BMP5: variants seen among roughly 807,000 people sequenced by gnomAD.
BMP5 encodes bone morphogenetic protein 5.
In BMP5, 23 loss-of-function variants were observed where a neutral mutation model predicts 46.6. The ratio of observed to expected loss-of-function variants is 0.49; its 90% confidence interval spans 0.35 to 0.70. BMP5 has a LOEUF of 0.70. Among genes scored for constraint, BMP5 ranks in the 30% least tolerant of loss-of-function variants. BMP5 has a pLI of 0.00. For missense variants in BMP5, 545 were observed against 565.6 expected, an observed-to-expected ratio of 0.96 and a Z score of 0.37; for synonymous variants, 204 against 191.9, an observed-to-expected ratio of 1.06 and a Z score of -0.52.
intron 1 of BMP5, among the ~76,000 whole-genome samples, chr6:55,858,080 G>T (rs1406158808): frequency 6.6e-6 from 1 of 152,110 alleles, no homozygotes; most frequent in Non-Finnish European, 1.5e-5. Flanking sequence ...TTACATCTCT[G>T]CCATCCAAAT....
chr6:55,850,349 A>AGTAG (rs71665347), intron 1 of BMP5, among the ~76,000 whole-genome samples: 7 of 147,342 alleles, frequency 4.8e-5, no homozygotes, highest in Non-Finnish European at 7.5e-5. Context: ...TAGTTAGGTA[A>AGTAG]GTAGGTAGAT....
At chr6:55,818,338 T>A (rs1488102454) in intron 2 of BMP5, among the ~76,000 whole-genome samples, 1 of 152,006 alleles carries the variant, frequency 6.6e-6, no homozygotes, top group Non-Finnish European at 1.5e-5. Flanking sequence ...CAGACGCATA[T>A]AAAAAGTTTC....
intron 1 of BMP5, among the ~76,000 whole-genome samples, chr6:55,823,829 C>A (rs751154734): frequency 6.6e-6 from 1 of 151,794 alleles, no homozygotes; most frequent in Non-Finnish European, 1.5e-5. Flanking sequence ...TTTATCTTAG[C>A]ACATGTGTTT....
chr6:55,772,852 T>C (rs1775079287), intron 4 of BMP5: 1 of 985,106 alleles, frequency 1.0e-6, no homozygotes. Flanking sequence ...GTGATTCTCC[T>C]GGTGCCTACC....
rs749127959 is a variant in BMP5 at position 55,759,124 on chromosome 6, T to TACACACACAC, written c.1105-19_1105-10dup. ...GGTGCTATAATCCAGTCCTGACACA[T>TACACACACAC]ACACACACACACACACACACAAAAA... On this transcript the variant is annotated splice_polypyrimidine_tract_variant and intron_variant, in intron 5 of 6. Transcript: ENST00000370830. 5,912 of 437,124 alleles carry TACACACACAC rather than the reference T, an allele frequency of 0.014. 421 individuals are homozygous for TACACACACAC. Among genetic ancestry groups the TACACACACAC allele is most frequent in the Non-Finnish European group, 0.02 (4,624 of 232,408 alleles). 27.1% of individuals were successfully genotyped at this position (437,124 alleles called of 1,614,324 possible).
At chr6:55,759,416 A>G (rs1034730620) in intron 5 of BMP5, among the ~76,000 whole-genome samples, 23 of 151,846 alleles carry the variant, frequency 1.5e-4, no homozygotes, top group African/African-American at 5.1e-4. Flanking sequence ...TATTCATAGT[A>G]TGTATTAAAC....
At chr6:55,869,248 G>A (rs1365816298) in intron 1 of BMP5, among the ~76,000 whole-genome samples, 2 of 152,150 alleles carry the variant, frequency 1.3e-5, no homozygotes, top group African/African-American at 4.8e-5. Flanking sequence ...AGCTGATGTG[G>A]TTGGGGATGT....
At chr6:55,782,572 G>A (rs1775348971) in intron 3 of BMP5, among the ~76,000 whole-genome samples, 1 of 152,104 alleles carries the variant, frequency 6.6e-6, no homozygotes, top group Non-Finnish European at 1.5e-5. Flanking sequence ...CTCAATCTAG[G>A]TCAGCAGTGT....
chr6:55,843,596 T>C (rs901708572), intron 1 of BMP5, among the ~76,000 whole-genome samples: 1 of 151,954 alleles, frequency 6.6e-6, no homozygotes, highest in African/African-American at 2.4e-5. Flanking sequence ...CATTTAGGAA[T>C]AGAAAAAAAG....
intron 1 of BMP5, among the ~76,000 whole-genome samples, chr6:55,839,516 T>C (rs1293608024): frequency 6.6e-6 from 1 of 152,054 alleles, no homozygotes; most frequent in Non-Finnish European, 1.5e-5. Flanking sequence ...GCTCCCAATA[T>C]GTTGCCCAGG....
intron 1 of BMP5, among the ~76,000 whole-genome samples, chr6:55,841,916 C>CAGAGAG (rs143400522): frequency 0.024 from 3,502 of 146,858 alleles, 56 homozygotes; most frequent in African/African-American, 0.05. Context: ...GAGAGAGAGA[C>CAGAGAG]AGAGAGAGAG....
intron 3 of BMP5, among the ~76,000 whole-genome samples, chr6:55,784,244 T>C (rs1775393623): frequency 6.6e-6 from 1 of 151,886 alleles, no homozygotes; most frequent in African/African-American, 2.4e-5. Context: ...AACTAGACTA[T>C]GCCAAATGTT....
intron 2 of BMP5, among the ~76,000 whole-genome samples, chr6:55,797,867 C>T (rs1775755301): frequency 6.6e-6 from 1 of 152,080 alleles, no homozygotes; most frequent in South Asian, 2.1e-4. Flanking sequence ...CCACCCACCT[C>T]GGCCTCCCAA....
chr6:55,831,109 T>C (rs2127542197), intron 1 of BMP5, among the ~76,000 whole-genome samples: 1 of 152,202 alleles, frequency 6.6e-6, no homozygotes, highest in African/African-American at 2.4e-5. Context: ...CTTTCCCCAC[T>C]TGGTTGCCAG....
chr6:55,823,964 A>G lies in BMP5; in HGVS notation c.491-4117T>C, dbSNP rs868806900. Among the ~76,000 whole-genome samples the G allele has an allele frequency of 2.6e-5, 4 of 152,076 alleles. No individual in the cohort carries two copies. In the South Asian group the frequency reaches 8.3e-4, roughly 32 times the overall value. On this transcript the variant is annotated intron_variant, in intron 1 of 6. Transcript: ENST00000370830. ...AATGTAACATCATACTTTCACTACA[A>G]CCATATGTTGAAATTTAATTATAGC... is the stretch of plus-strand genomic sequence containing the variant.
chr6:55,759,102 G>A lies in BMP5; in HGVS notation c.1118C>T (p.Ala373Val). 3 of 1,302,466 alleles carry A rather than the reference G, an allele frequency of 2.3e-6. No homozygotes were observed. The highest frequency in any genetic ancestry group is 2.0e-6 in the Non-Finnish European group (2 of 989,736). 80.7% of individuals were successfully genotyped at this position (1,302,466 alleles called of 1,614,324 possible). Residue 373 changes from alanine to valine, a missense_variant, in exon 6 of 7, where the codon GCA becomes GTA. Physicochemically the swap from Ala to Val is moderately conservative, Grantham distance 64. Transcript: ENST00000370830. ...RDLGWQDWII[A>V]PEGYAAFYCD... is the part of the protein sequence containing the mutation. Reference sequence around the variant, plus strand: ...ATAAAATGCAGCGTATCCTTCTGGTGCTATAATCCAGTCCTGACACATACA... The same window carrying A: ...ATAAAATGCAGCGTATCCTTCTGGTACTATAATCCAGTCCTGACACATACA...
At chr6:55,846,459 G>A (rs77276763) in intron 1 of BMP5, among the ~76,000 whole-genome samples, 2,965 of 152,054 alleles carry the variant, frequency 0.019, 107 homozygotes, top group African/African-American at 0.066. Flanking sequence ...TGAAGTGCTC[G>A]TGGTAGCGTT....
Position 55,782,274 on chromosome 6 carries a change from A to G in BMP5, c.833-8031T>C, listed in dbSNP as rs1006849158. On this transcript the variant is annotated intron_variant, in intron 3 of 6. Transcript: ENST00000370830. ...GTGCAATATTGTTTCAATTATAAAT[A>G]AAAAGTAAATTTAAAAATGTGGAGT... Among the ~76,000 whole-genome samples, 7 of 152,190 alleles carry G rather than the reference A, an allele frequency of 4.6e-5. No homozygotes were observed. The East Asian group carries it at 1.4e-3, about 29-fold the overall frequency.
rs1405741414 is a variant in BMP5 at position 55,875,588 on chromosome 6, A to G, written c.-723T>C. On this transcript the variant is annotated 5_prime_UTR_variant, in exon 1 of 7. Coordinates refer to ENST00000370830, the MANE Select transcript of BMP5 (RefSeq NM_021073.4). ...AGCCCTCTTCAAGAGAGATCTAAAGAGTAGTGTAAGCACAACCCTGCTGGG... is the reference window on the plus strand; with the variant it reads ...AGCCCTCTTCAAGAGAGATCTAAAGGGTAGTGTAAGCACAACCCTGCTGGG... The G allele has an allele frequency of 6.6e-6, 1 of 152,094 alleles. No individual in the cohort carries two copies. The highest frequency in any genetic ancestry group is 1.5e-5 in the Non-Finnish European group (1 of 68,030). The allele number at this position is 152,094 out of a possible 1,614,324, so 9.4% of individuals were successfully genotyped here. A position where few individuals can be genotyped will look rare whatever the true frequency, so the allele number is the denominator to read the frequency against.
Sources: allele counts gnomAD v4.1 joint callset (sites outside exome capture counted in the v4.1 genomes callset), GRCh38; gene constraint gnomAD v4.1.1; transcripts MANE v1.5; gene names NCBI Gene and HGNC (gene_info 2026-07-23, HGNC 2026-07-21).